EIF2AK4: variants seen among roughly 807,000 people sequenced by gnomAD.
EIF2AK4 encodes the protein eIF-2-alpha kinase GCN2.
A neutral mutation model predicts 211.1 loss-of-function variants in EIF2AK4; 139 were observed. That is an observed-to-expected ratio of 0.66 (90% confidence interval 0.57 to 0.76). EIF2AK4 has a LOEUF of 0.76. Among genes scored for constraint, EIF2AK4 ranks in the 30% least tolerant of loss-of-function variants. The pLI, the probability that EIF2AK4 is intolerant of heterozygous loss-of-function variation, is 0.00. For missense variants in EIF2AK4, 1,664 were observed against 2,043.8 expected (o/e 0.81, Z 3.58); for synonymous variants, 710 against 751.3 (o/e 0.94, Z 0.90).
intron 7 of EIF2AK4, 77 bp from the exon 8 acceptor site, chr15:39,965,609 G>A (rs2034532928): frequency 1.3e-6 from 2 of 1,531,736 alleles, no homozygotes; most frequent in South Asian, 1.2e-5. Flanking sequence ...TAAAGAATGT[G>A]TATTACCCCC....
rs769148323 is a variant in EIF2AK4, at chr15:39,939,549, C to T, written c.189C>T (p.Gly63=). The T allele has an allele frequency of 1.9e-6, 3 of 1,612,666 alleles. No homozygotes were observed. In the African/African-American group the frequency reaches 4.0e-5, roughly 22 times the overall value. Residue 63 remains glycine, a synonymous_variant, in exon 2 of 39, where the codon GGC becomes GGT. Coordinates refer to ENST00000263791, the MANE Select transcript of EIF2AK4 (RefSeq NM_001013703.4). ...TCAATTTAGTTTTGTACCCTCAAGG[C>T]CTAACTGGTGAAGAAGTATATGTAA... ...PEINLVLYPQ[G]LTGEEVYVKV...
At chr15:40,007,865 C>T (rs2035181975) in intron 24 of EIF2AK4, among the ~76,000 whole-genome samples, 162 bp from the exon 25 acceptor site, 1 of 152,156 alleles carries the variant, frequency 6.6e-6, no homozygotes, top group Non-Finnish European at 1.5e-5. Flanking sequence ...ACCTAGATCA[C>T]AAGGCAAGGC....
chr15:39,991,356 A>G (rs1264972883), intron 16 of EIF2AK4: 1 of 152,254 alleles, frequency 6.6e-6, no homozygotes, highest in Non-Finnish European at 1.5e-5. Context: ...ATTTAACTTG[A>G]TATCTGGAAG....
intron 36 of EIF2AK4, 50 bp from the exon 37 acceptor site, chr15:40,032,707 A>C: frequency 1.3e-6 from 2 of 1,556,360 alleles, no homozygotes; most frequent in African/African-American, 1.4e-5. Context: ...TATGGTCACA[A>C]GGCAGTATTG....
At chr15:39,992,040 T>A (rs1407918016) in intron 16 of EIF2AK4, 135 bp from the exon 17 acceptor site, 2 of 840,018 alleles carry the variant, frequency 2.4e-6, no homozygotes, top group Admixed American at 3.1e-5. Flanking sequence ...AGAAAAAAAA[T>A]TAAAACTCAA....
At chr15:39,967,259 A>G (rs1226622738) in intron 8 of EIF2AK4, 85 bp from the exon 9 acceptor site, 1 of 1,422,860 alleles carries the variant, frequency 7.0e-7, no homozygotes, top group African/African-American at 1.5e-5. Flanking sequence ...CCCATCTTGT[A>G]TGATCAAATA....
chr15:39,943,414 G>T lies in EIF2AK4; in HGVS notation c.289G>T (p.Gly97Cys). 1 of 1,540,010 alleles carries T rather than the reference G, an allele frequency of 6.5e-7. No homozygotes were observed. Among genetic ancestry groups the T allele is most frequent in the East Asian group, 2.5e-5 (1 of 40,340 alleles). Residue 97 changes from glycine to cysteine, a missense_variant, in exon 3 of 39, where the codon GGT (glycine) becomes TGT (cysteine). By Grantham distance (159) the Gly-to-Cys change is radical. Around this residue, in one of 7 missense-constraint regions of EIF2AK4, gnomAD observed 641 missense variants for 729.6 expected, o/e 0.88. Coordinates refer to ENST00000263791, the MANE Select transcript of EIF2AK4 (RefSeq NM_001013703.4). The part of the protein sequence containing the change: ...VPEIELKNAK[G>C]LSNESVNLLK... ...TGAAATAGAGTTAAAAAATGCCAAA[G>T]GTCTATCAAATGAAAGTGTCAATTT...
intron 30 of EIF2AK4, among the ~76,000 whole-genome samples, chr15:40,020,165 C>CAA (rs34522012): frequency 2.0e-3 from 264 of 132,284 alleles, no homozygotes; most frequent in East Asian, 1.7e-3. Flanking sequence ...CAGACCCTGT[C>CAA]AAAAAAAAAA....
At chr15:39,970,628 T>TA (rs1338623519) in intron 9 of EIF2AK4, among the ~76,000 whole-genome samples, 1 of 152,088 alleles carries the variant, frequency 6.6e-6, no homozygotes, top group African/African-American at 2.4e-5. Context: ...TGATATTGCT[T>TA]AAAAAAATCA....
chr15:40,003,318 A>G lies in EIF2AK4; in HGVS notation c.3357+4A>G. 2 of 1,614,040 alleles carry G rather than the reference A, an allele frequency of 1.2e-6. No individual in the cohort carries two copies. Among genetic ancestry groups the G allele is most frequent in the Non-Finnish European group, 1.7e-6 (2 of 1,179,974 alleles). On this transcript the variant is annotated splice_donor_region_variant and intron_variant, in intron 23 of 38. Coordinates refer to ENST00000263791, the MANE Select transcript of EIF2AK4 (RefSeq NM_001013703.4). ...GATGCTTCCTTTTGACCTGCGGGTG[A>G]GGCTGGGAACACACTGCTGACAATC...
chr15:40,019,747 A>C (rs1334203005), intron 30 of EIF2AK4, among the ~76,000 whole-genome samples: 1 of 152,160 alleles, frequency 6.6e-6, no homozygotes, highest in Non-Finnish European at 1.5e-5. Context: ...CCTGGTGCCA[A>C]AAAGGTTGAA....
chr15:39,940,863 C>A (rs1011301448), intron 2 of EIF2AK4, among the ~76,000 whole-genome samples: 2 of 152,086 alleles, frequency 1.3e-5, no homozygotes, highest in African/African-American at 2.4e-5. Flanking sequence ...GTACTTCTGA[C>A]CATTTATAGC....
In EIF2AK4 at chr15:40,035,203, C is replaced by T. The variant is rs982279349; in HGVS notation, c.*119C>T. ...TCTAAGAAGAGGCTGGGTGCAGTGG[C>T]TCACACCTTTAATCCCAGCACTTTG... On this transcript the variant is annotated 3_prime_UTR_variant, in exon 39 of 39. Coordinates refer to ENST00000263791, the MANE Select transcript of EIF2AK4 (RefSeq NM_001013703.4). The T allele has an allele frequency of 2.6e-6, 2 of 758,166 alleles. No homozygotes were observed. The highest frequency in any genetic ancestry group is 3.6e-5 in the African/African-American group (2 of 55,566). The allele number at this position is 758,166 out of a possible 1,614,324, so 47.0% of individuals were successfully genotyped here.
chr15:39,992,034 A>C (rs958243796), intron 16 of EIF2AK4, 141 bp from the exon 17 acceptor site: 1 of 802,650 alleles, frequency 1.2e-6, no homozygotes, highest in African/African-American at 1.7e-5. Flanking sequence ...TAAACTAGAA[A>C]AAAAATTAAA....
chr15:40,011,373 C>G, intron 27 of EIF2AK4, 27 bp downstream of exon 27: 1 of 1,572,240 alleles, frequency 6.4e-7, no homozygotes, highest in Non-Finnish European at 8.7e-7. Context: ...GGTATTATTA[C>G]AGCTTTCTCT....
rs570697965 is a variant in EIF2AK4, at chr15:39,973,543, C to T, written c.1661-49C>T. 4.3e-5 allele frequency: 66 copies of T among 1,543,612 alleles called. No homozygotes were observed. In the East Asian group the frequency reaches 1.5e-3, roughly 35 times the overall value. On this transcript the variant is annotated intron_variant, in intron 10 of 38. Transcript: ENST00000263791. The stretch of plus-strand genomic sequence containing the variant: ...CATCATTGTTGGCTATGTAGCTCTT[C>T]CTAAATTTCCAATGCCTCATGTGCC...
At chr15:40,027,571 TG>T (rs146166340) in intron 33 of EIF2AK4, among the ~76,000 whole-genome samples, 4,216 of 152,286 alleles carry the variant, frequency 0.028, 200 homozygotes, top group African/African-American at 0.097. Context: ...CATGGAAAGA[TG>T]TCCATAAATA....
At chr15:39,945,048 T>G (rs575491727) in intron 3 of EIF2AK4, among the ~76,000 whole-genome samples, 16 of 152,332 alleles carry the variant, frequency 1.1e-4, no homozygotes, top group African/African-American at 3.4e-4. Context: ...TACAAGGGGA[T>G]TCCAGTGTCT....
chr15:39,969,709 C>G (rs1414441631), intron 9 of EIF2AK4, among the ~76,000 whole-genome samples: 1 of 152,146 alleles, frequency 6.6e-6, no homozygotes, highest in Non-Finnish European at 1.5e-5. Context: ...GTATACTTCT[C>G]TCCCTGGAGT....
Sources: allele counts gnomAD v4.1 joint callset (sites outside exome capture counted in the v4.1 genomes callset), GRCh38; gene constraint gnomAD v4.1.1; regional missense constraint gnomAD v4.1.1; transcripts MANE v1.5; gene names NCBI Gene and HGNC (gene_info 2026-07-23, HGNC 2026-07-21).